Variants in ARMH3 observed in about 807,000 individuals in gnomAD.
ARMH3 encodes the protein armadillo-like helical domain-containing protein 3.
A neutral mutation model predicts 99.1 loss-of-function variants in ARMH3; 60 were observed. That is an observed-to-expected ratio of 0.61 (90% CI 0.49 to 0.75). ARMH3 has a LOEUF of 0.75. Ranked by LOEUF, ARMH3 falls within the 30% of genes least tolerant of loss-of-function variation. The pLI, the probability that ARMH3 is intolerant of heterozygous loss-of-function variation, is 0.00. For synonymous variants in ARMH3, 285 were observed against 292.8 expected (o/e 0.97, Z 0.27); for missense variants, 679 against 843.1 (o/e 0.81, Z 2.41).
At chr10:101,885,765 T>TA (rs2067525008) in intron 24 of ARMH3, among the ~76,000 whole-genome samples, 1 of 152,142 alleles carries the variant, frequency 6.6e-6, no homozygotes, top group South Asian at 2.1e-4. Flanking sequence ...TAAAAAGGGT[T>TA]AAAATGGGCT....
rs548458488 is a variant in ARMH3, at chr10:101,853,675, T to C, written c.1861-3783A>G. Among the ~76,000 whole-genome samples the C allele has an allele frequency of 4.6e-5, 7 of 152,294 alleles. No homozygotes were observed. In the South Asian group the frequency reaches 1.2e-3, roughly 27 times the overall value. On this transcript the variant is annotated intron_variant, in intron 24 of 25. Coordinates refer to ENST00000370033, the MANE Select transcript of ARMH3 (RefSeq NM_024541.3). The stretch of plus-strand genomic sequence containing the variant: ...TCGGCCGTTGGGCTTGTGGGCTTCC[T>C]AGAATCATGCCAACCACCTCAGCCC...
At chr10:101,986,447 CTTTTT>C (rs200933112) in intron 19 of ARMH3, among the ~76,000 whole-genome samples, 1 of 144,722 alleles carries the variant, frequency 6.9e-6, no homozygotes, top group African/African-American at 2.5e-5. Context: ...CAAGACCTTT[CTTTTT>C]TTTTTTTTCT....
Position 101,847,558 on chromosome 10 carries a change from G to T in ARMH3, c.2040C>A (p.Val680=). 2 of 1,614,176 alleles carry T rather than the reference G, an allele frequency of 1.2e-6. No individual in the cohort carries two copies. Among genetic ancestry groups the T allele is most frequent in the Non-Finnish European group, 1.7e-6 (2 of 1,180,010 alleles). The change falls in exon 26 of 26, where the codon GTC becomes GTA. Residue 680 remains valine, a synonymous_variant. Transcript: ENST00000370033. ...AGATAGTGGAGAACTCCTTGAGCAGGACTTCTTGGCTGAGTGTGTGGAAGG... is the reference window on the plus strand; with the variant it reads ...AGATAGTGGAGAACTCCTTGAGCAGTACTTCTTGGCTGAGTGTGTGGAAGG... ...NLAFHTLSQE[V]LLKEFSTIS
intron 20 of ARMH3, among the ~76,000 whole-genome samples, chr10:101,964,750 C>A (rs1336250369): frequency 6.6e-6 from 1 of 151,998 alleles, no homozygotes; most frequent in Non-Finnish European, 1.5e-5. Flanking sequence ...GTGGCTCACA[C>A]CTGTAATCCC....
chr10:101,847,586 A>C lies in ARMH3; in HGVS notation c.2012T>G (p.Leu671Arg). 1 of 1,614,196 alleles carries C rather than the reference A, an allele frequency of 6.2e-7. No homozygotes were observed. The change falls in exon 26 of 26, where the codon CTG (leucine) becomes CGG (arginine). Residue 671 changes from leucine to arginine, a missense_variant. Around this residue, in one of 3 missense-constraint regions of ARMH3, gnomAD observed 389 missense variants for 456.5 expected, o/e 0.85. Coordinates refer to ENST00000370033, the MANE Select transcript of ARMH3 (RefSeq NM_024541.3). ...TTCTTGGCTGAGTGTGTGGAAGGCC[A>C]GGTTTCTCCGGACGTTGGTGCTAAT... Reference protein sequence around the residue: ...RSISTNVRRNLAFHTLSQEVL... With the variant: ...RSISTNVRRNRAFHTLSQEVL...
intron 13 of ARMH3, among the ~76,000 whole-genome samples, chr10:102,008,704 C>CGT (rs2066562316): frequency 6.6e-6 from 1 of 152,016 alleles, no homozygotes; most frequent in African/African-American, 2.4e-5. Context: ...AGGCGTCCGC[C>CGT]ACCACGCCCA....
At chr10:101,849,191 G>T (rs957233219) in intron 25 of ARMH3, among the ~76,000 whole-genome samples, 3 of 152,200 alleles carry the variant, frequency 2.0e-5, no homozygotes, top group African/African-American at 7.2e-5. Flanking sequence ...GACTGCAGGG[G>T]GGCTGAGCTT....
At chr10:101,975,122 G>T in intron 20 of ARMH3, 90 bp downstream of exon 20, 9 of 714,130 alleles carry the variant, frequency 1.3e-5, no homozygotes, top group Non-Finnish European at 1.3e-5. Flanking sequence ...AAACCAAAAG[G>T]TTAAAAAACA....
intron 14 of ARMH3, 65 bp downstream of exon 14, chr10:102,006,475 C>A: frequency 1.3e-6 from 2 of 1,534,058 alleles, no homozygotes; most frequent in East Asian, 2.3e-5. Context: ...TTGAACACAG[C>A]TATGCTCACT....
At chr10:102,055,866 C>T (rs2067838280) in intron 1 of ARMH3, among the ~76,000 whole-genome samples, 1 of 152,208 alleles carries the variant, frequency 6.6e-6, no homozygotes, top group Admixed American at 6.5e-5. Flanking sequence ...AAGAGCGAAG[C>T]CGTTTCTCTC....
At chr10:101,942,161 A>G (rs1844269201) in intron 22 of ARMH3, among the ~76,000 whole-genome samples, 1 of 152,228 alleles carries the variant, frequency 6.6e-6, no homozygotes, top group Non-Finnish European at 1.5e-5. Context: ...AAAATTCCCT[A>G]AAAGCCTCAA....
At chr10:101,880,565 C>T (rs2067386464) in intron 24 of ARMH3, among the ~76,000 whole-genome samples, 1 of 152,116 alleles carries the variant, frequency 6.6e-6, no homozygotes, top group Admixed American at 6.5e-5. Flanking sequence ...TGGTGACAGC[C>T]AGCTGGCTTC....
At position 101,995,320 on chromosome 10, in the gene ARMH3, TCAGA is replaced by T. The variant is rs1847006711; in HGVS notation, c.1182_1185del (p.Cys394Ter). ...ACCTCTGCAATACATGTAAGGATAA[TCAGA>T]CAGAGTTTGCCACTGTGAAGCCTGT... On this transcript the variant is annotated frameshift_variant, in exon 16 of 26. Coordinates refer to ENST00000370033, the MANE Select transcript of ARMH3 (RefSeq NM_024541.3). LOFTEE classifies it high-confidence loss of function. The T allele has an allele frequency of 6.2e-7, 1 of 1,613,812 alleles. No individual in the cohort carries two copies. The highest frequency in any genetic ancestry group is 1.3e-5 in the African/African-American group (1 of 74,912).
Position 102,010,015 on chromosome 10 carries a change from G to C in ARMH3, c.840C>G (p.Ser280Arg). Residue 280 changes from serine (S) to arginine (R), a missense_variant, in exon 12 of 26, where the codon AGC becomes AGG. Around this residue, in one of 3 missense-constraint regions of ARMH3, gnomAD observed 280 missense variants for 354.6 expected, o/e 0.79. Coordinates refer to ENST00000370033, the MANE Select transcript of ARMH3 (RefSeq NM_024541.3). ...FFSALTNMVG[S>R]MFIADAHEKI... The stretch of plus-strand genomic sequence containing the variant: ...TCTCATGGGCATCTGCTATGAACAT[G>C]CTGCCCACCTGTGGAAGAAAAGGGG... 1 of 1,613,868 alleles carries C rather than the reference G, an allele frequency of 6.2e-7. No homozygotes were observed. Among genetic ancestry groups the C allele is most frequent in the Middle Eastern group, 1.6e-4 (1 of 6,062 alleles).
chr10:101,992,884 G>C (rs1353035978), intron 17 of ARMH3, among the ~76,000 whole-genome samples: 1 of 152,130 alleles, frequency 6.6e-6, no homozygotes, highest in Non-Finnish European at 1.5e-5. Flanking sequence ...GAACAAATCT[G>C]AGCAGCAGCT....
chr10:101,956,753 G>A (rs965279251), intron 21 of ARMH3, 30 bp from the exon 22 acceptor site: 10 of 1,606,882 alleles, frequency 6.2e-6, no homozygotes, highest in Middle Eastern at 3.5e-4. Context: ...CCATATATAG[G>A]CATCAGGCTA....
At chr10:101,876,490 T>A (rs985924066) in intron 24 of ARMH3, among the ~76,000 whole-genome samples, 1 of 152,194 alleles carries the variant, frequency 6.6e-6, no homozygotes, top group African/African-American at 2.4e-5. Flanking sequence ...CCAAACAGAA[T>A]CTTTTAACAG....
At chr10:102,002,790 A>C (rs1480886558) in intron 14 of ARMH3, among the ~76,000 whole-genome samples, 6 of 151,550 alleles carry the variant, frequency 4.0e-5, no homozygotes, top group Non-Finnish European at 8.8e-5. Context: ...GTGAAACCCC[A>C]TCTCTACTAA....
In ARMH3 at chr10:102,041,090, A is replaced by ATATATATAAT. The variant is rs1554897209; in HGVS notation, c.-11-966_-11-965insATTATATATA. 3.8e-5 allele frequency among the ~76,000 whole-genome samples: 5 copies of ATATATATAAT among 132,638 alleles called. No individual in the cohort carries two copies. In the Admixed American group the frequency reaches 3.9e-4, roughly 10 times the overall value. 87.0% of individuals were successfully genotyped at this position (132,638 alleles called of 152,430 possible). A position where few individuals can be genotyped will look rare whatever the true frequency, so the allele number is the denominator to read the frequency against. ...ATTGTGTGTACATATATATATATAT[A>ATATATATAAT]ATATATATATATATATATATATGTA... is the stretch of plus-strand genomic sequence containing the variant. On this transcript the variant is annotated intron_variant, in intron 1 of 25. Coordinates refer to ENST00000370033, the MANE Select transcript of ARMH3 (RefSeq NM_024541.3).
Sources: allele counts gnomAD v4.1 joint callset (sites outside exome capture counted in the v4.1 genomes callset), GRCh38; gene constraint gnomAD v4.1.1; regional missense constraint gnomAD v4.1.1; transcripts MANE v1.5; gene names NCBI Gene and HGNC (gene_info 2026-07-23, HGNC 2026-07-21).